Variants in NRXN1 observed in about 807,000 individuals in gnomAD.
NRXN1 encodes neurexin-1.
Under a neutral mutation model 150.9 loss-of-function variants are expected in NRXN1, and 39 were observed. The ratio of observed to expected loss-of-function variants is 0.26; its 90% CI spans 0.20 to 0.34. The LOEUF is 0.34. NRXN1 is among the 10% of genes least tolerant of loss of function. The pLI is 1.00. For missense variants in NRXN1, 1,815 were observed against 1,949.9 expected, an observed-to-expected ratio of 0.93 and a Z score of 1.30; for synonymous variants, 924 against 757.0, an observed-to-expected ratio of 1.22 and a Z score of -3.62.
rs915651389 is a variant in NRXN1, at chr2:50,629,208, A to G, written c.833-5593T>C. On this transcript the variant is annotated intron_variant, in intron 5 of 22. Coordinates refer to ENST00000401669, the MANE Select transcript of NRXN1 (RefSeq NM_001330078.2). ...ACCCTGCATAAATTATCTAAAACTT[A>G]ACACTACTGAAATAACAACCAATAA... 4.0e-5 allele frequency among the ~76,000 whole-genome samples: 6 copies of G among 151,894 alleles called. No individual in the cohort carries two copies. In the East Asian group the frequency reaches 1.2e-3, roughly 29 times the overall value.
At chr2:50,639,007 T>C (rs574620834) in intron 5 of NRXN1, among the ~76,000 whole-genome samples, 5 of 152,052 alleles carry the variant, frequency 3.3e-5, no homozygotes, top group Non-Finnish European at 7.3e-5. Context: ...AATCCACCAA[T>C]GGTTCACCAT....
Position 50,204,947 on chromosome 2 carries a change from T to A in NRXN1, c.3546+31842A>T, listed in dbSNP as rs1009173054. Among the ~76,000 whole-genome samples the A allele has an allele frequency of 3.3e-5, 5 of 152,188 alleles. No homozygotes were observed. In the East Asian group the frequency reaches 9.7e-4, roughly 29 times the overall value. ...GCCACTAATCTCTATTAGACACTTA[T>A]GCTTGTTAAATTTATAAAGTTTAAC... On this transcript the variant is annotated intron_variant, in intron 18 of 22. Transcript: ENST00000401669.
At chr2:50,180,835 A>G (rs2060663504) in intron 18 of NRXN1, among the ~76,000 whole-genome samples, 1 of 152,188 alleles carries the variant, frequency 6.6e-6, no homozygotes, top group Non-Finnish European at 1.5e-5. Context: ...AAAGTCTTGC[A>G]TGCACTGATA....
At chr2:49,953,349 A>G (rs1365052557) in intron 21 of NRXN1, among the ~76,000 whole-genome samples, 1 of 152,092 alleles carries the variant, frequency 6.6e-6, no homozygotes, top group Non-Finnish European at 1.5e-5. Context: ...GAGAATAAAC[A>G]TTATCTGGCT....
intron 15 of NRXN1, among the ~76,000 whole-genome samples, chr2:50,481,605 C>G (rs1000391126): frequency 6.6e-6 from 1 of 152,032 alleles, no homozygotes; most frequent in Non-Finnish European, 1.5e-5. Context: ...CTAGTACAAA[C>G]CAGCACTTAC....
chr2:51,008,638 C>T (rs185026901), intron 2 of NRXN1, among the ~76,000 whole-genome samples: 132 of 151,840 alleles, frequency 8.7e-4, no homozygotes, highest in Admixed American at 1.9e-3. Context: ...TCTTATAATA[C>T]ATCATTTTAA....
At chr2:50,691,930 G>A (rs947404671) in intron 5 of NRXN1, among the ~76,000 whole-genome samples, 8 of 152,036 alleles carry the variant, frequency 5.3e-5, no homozygotes, top group African/African-American at 1.2e-4. Flanking sequence ...TAGCTTATAC[G>A]TATATACATT....
chr2:50,382,276 T>C (rs2081026492), intron 17 of NRXN1, among the ~76,000 whole-genome samples: 1 of 152,184 alleles, frequency 6.6e-6, no homozygotes, highest in Non-Finnish European at 1.5e-5. Flanking sequence ...CCCATTGTAT[T>C]GATTTATCTT....
intron 2 of NRXN1, among the ~76,000 whole-genome samples, chr2:50,930,279 A>G (rs1687546856): frequency 7.2e-5 from 11 of 152,136 alleles, no homozygotes; most frequent in Admixed American, 7.2e-4. Flanking sequence ...GCATCACACT[A>G]GAAACACTTA....
Position 50,784,959 on chromosome 2 carries a change from C to A in NRXN1, c.832+136910G>T, listed in dbSNP as rs140147749. 8.5e-4 allele frequency among the ~76,000 whole-genome samples: 130 copies of A among 152,174 alleles called. 3 individuals carry two copies. In the East Asian group the frequency reaches 0.023, roughly 27 times the overall value. On this transcript the variant is annotated intron_variant, in intron 5 of 22. Coordinates refer to ENST00000401669, the MANE Select transcript of NRXN1 (RefSeq NM_001330078.2). ...CCTCCCCAAAACTCACTTATTGAAG[C>A]CCTAACTCCCAATGTGACTGTTTTT... is the stretch of plus-strand genomic sequence containing the variant.
At chr2:50,990,219 A>G (rs1698343260) in intron 2 of NRXN1, among the ~76,000 whole-genome samples, 1 of 152,044 alleles carries the variant, frequency 6.6e-6, no homozygotes. Flanking sequence ...ATTATTCAAT[A>G]TCAATTTGCA....
intron 5 of NRXN1, among the ~76,000 whole-genome samples, chr2:50,762,434 CA>C (rs1345537582): frequency 6.6e-6 from 1 of 151,804 alleles, no homozygotes; most frequent in Non-Finnish European, 1.5e-5. Context: ...TTGATCCTGT[CA>C]CTCAGGTAGT....
intron 8 of NRXN1, among the ~76,000 whole-genome samples, chr2:50,558,358 C>G (rs1191176513): frequency 6.6e-6 from 1 of 152,122 alleles, no homozygotes; most frequent in African/African-American, 2.4e-5. Context: ...GGAAATTTGT[C>G]TTCGTTTTTG....
chr2:51,028,371 AG>A lies in NRXN1; in HGVS notation c.-99del, dbSNP rs1385510919. 1 of 792,816 alleles carries A rather than the reference AG, an allele frequency of 1.3e-6. No individual in the cohort carries two copies. Among genetic ancestry groups the A allele is most frequent in the Non-Finnish European group, 1.8e-6 (1 of 544,142 alleles). 49.1% of individuals were successfully genotyped at this position (792,816 alleles called of 1,614,324 possible). The stretch of plus-strand genomic sequence containing the variant: ...GAAATAAGGGTCCCGAGAGACAGAA[AG>A]GTAAGGGGAAAGGCGGGAGTGAGAG... On this transcript the variant is annotated 5_prime_UTR_variant, in exon 2 of 23. Transcript: ENST00000401669.
intron 17 of NRXN1, among the ~76,000 whole-genome samples, chr2:50,281,352 G>A (rs2071439077): frequency 7.2e-6 from 1 of 139,696 alleles, no homozygotes; most frequent in Admixed American, 7.3e-5. Flanking sequence ...CATAATAGTA[G>A]AACAATGGCA....
intron 10 of NRXN1, among the ~76,000 whole-genome samples, chr2:50,535,534 C>T (rs2093234064): frequency 6.6e-6 from 1 of 152,168 alleles, no homozygotes; most frequent in African/African-American, 2.4e-5. Flanking sequence ...AAGCAGATCT[C>T]TGATTATATC....
At chr2:50,247,894 G>A (rs980789661) in intron 17 of NRXN1, among the ~76,000 whole-genome samples, 1 of 152,106 alleles carries the variant, frequency 6.6e-6, no homozygotes, top group African/African-American at 2.4e-5. Flanking sequence ...GTTAACATTT[G>A]TGGGAGCTAA....
rs561431954 is a variant in NRXN1 at position 50,627,441 on chromosome 2, T to C, written c.833-3826A>G. Among the ~76,000 whole-genome samples, 43 of 150,166 alleles carry C rather than the reference T, an allele frequency of 2.9e-4. 1 individual carries two copies. The highest frequency in any genetic ancestry group is 2.1e-3 in the Admixed American group (32 of 14,990). On this transcript the variant is annotated intron_variant, in intron 5 of 22. Coordinates refer to ENST00000401669, the MANE Select transcript of NRXN1 (RefSeq NM_001330078.2). ...TGAAAACAATTTATATTGTCTGGCATTGCAGGTAAGTTAGCAAAAGATACA... is the reference window on the plus strand; with the variant it reads ...TGAAAACAATTTATATTGTCTGGCACTGCAGGTAAGTTAGCAAAAGATACA...
At chr2:50,345,150 T>C (rs2152996069) in intron 17 of NRXN1, among the ~76,000 whole-genome samples, 1 of 152,316 alleles carries the variant, frequency 6.6e-6, no homozygotes, top group Middle Eastern at 3.4e-3. Flanking sequence ...GTCTCCATAC[T>C]AGACACTCTT....
Sources: allele counts gnomAD v4.1 joint callset (sites outside exome capture counted in the v4.1 genomes callset), GRCh38; gene constraint gnomAD v4.1.1; transcripts MANE v1.5; gene names NCBI Gene and HGNC (gene_info 2026-07-23, HGNC 2026-07-21).